ZNF12: variants seen among roughly 807,000 people sequenced by gnomAD.
The protein encoded by ZNF12 is gonadotropin inducible transcription repressor 3.
Under a neutral mutation model 66.6 loss-of-function variants are expected in ZNF12, and 34 were observed. The observed-to-expected ratio is 0.51, with a 90% CI of 0.39 to 0.68. The LOEUF (loss-of-function observed/expected upper bound fraction) is 0.68, where lower values mean the gene tolerates loss of function less well. Among genes scored for constraint, ZNF12 ranks in the 30% least tolerant of loss-of-function variants. ZNF12 has a pLI of 0.00. For missense variants in ZNF12, 697 were observed against 826.9 expected (o/e 0.84, Z 1.93); for synonymous variants, 320 against 278.9 (o/e 1.15, Z -1.47).
chr7:6,697,141 T>G lies in ZNF12; in HGVS notation c.238+198A>C, dbSNP rs1031187555. 1.3e-5 allele frequency among the ~76,000 whole-genome samples: 2 copies of G among 152,110 alleles called. No individual in the cohort carries two copies. The highest frequency in any genetic ancestry group is 2.9e-5 in the Non-Finnish European group (2 of 68,026). Reference sequence around the variant, plus strand: ...AACAGAAGTGACTGGAATTCGATTCTTGGGAGTGGCAAGCACAGAAAAGCT... The same window carrying G: ...AACAGAAGTGACTGGAATTCGATTCGTGGGAGTGGCAAGCACAGAAAAGCT... On this transcript the variant is annotated intron_variant, in intron 4 of 4. Transcript: ENST00000405858. The surrounding 1 kb of genome is among the most constrained non-coding windows in gnomAD (Gnocchi z 6.1).
chr7:6,698,886 G>T lies in ZNF12; in HGVS notation c.16-1075C>A, dbSNP rs1186289376. Among the ~76,000 whole-genome samples the T allele has an allele frequency of 6.6e-6, 1 of 152,192 alleles. No individual in the cohort carries two copies. Among genetic ancestry groups the T allele is most frequent in the Non-Finnish European group, 1.5e-5 (1 of 68,032 alleles). ...AATATCATCCCCTCTAAAATAAAGAGAATAATGCTACCTATACATAATACC... is the reference window on the plus strand; with the variant it reads ...AATATCATCCCCTCTAAAATAAAGATAATAATGCTACCTATACATAATACC... On this transcript the variant is annotated intron_variant, in intron 2 of 4. Transcript: ENST00000405858. The surrounding 1 kb of genome is among the most constrained non-coding windows in gnomAD (Gnocchi z 4.4).
Position 6,705,729 on chromosome 7 carries a change from AACAAACAAAC to A in ZNF12, c.-50-516_-50-507del. Among the ~76,000 whole-genome samples the A allele has an allele frequency of 6.6e-6, 1 of 152,006 alleles. No homozygotes were observed. Among genetic ancestry groups the A allele is most frequent in the African/African-American group, 2.4e-5 (1 of 41,364 alleles). ...GCGAAACTTGTCTCAAAAACAAACA[AACAAACAAAC>A]AAAAAACAAACAACAAAAAATGAAT... On this transcript the variant is annotated intron_variant, in intron 1 of 4. Transcript: ENST00000405858. This position sits in a 1 kb window ranked among gnomAD's most constrained non-coding sequence, Gnocchi z 4.0.
At position 6,696,618 on chromosome 7, in the gene ZNF12, G is replaced by T. The variant is rs142862128; in HGVS notation, c.238+721C>A. ...AAACAGACCCTTTAAAGACATTTCT[G>T]GAGGTGGTGGAAGCATAAACCAGAC... On this transcript the variant is annotated intron_variant, in intron 4 of 4. Coordinates refer to ENST00000405858, the MANE Select transcript of ZNF12 (RefSeq NM_016265.4). This position sits in a 1 kb window ranked among gnomAD's most constrained non-coding sequence, Gnocchi z 4.0. Among the ~76,000 whole-genome samples the T allele has an allele frequency of 4.6e-5, 7 of 152,340 alleles. No individual in the cohort carries two copies. In the South Asian group the frequency reaches 1.0e-3, roughly 23 times the overall value.
intron 2 of ZNF12, among the ~76,000 whole-genome samples, chr7:6,704,881 G>A (rs969526666): frequency 2.4e-4 from 37 of 151,852 alleles, no homozygotes; most frequent in Non-Finnish European, 4.7e-4. Context: ...TTCTGCTTAC[G>A]GTCAATGTAA....
Position 6,698,086 on chromosome 7 carries a change from C to T in ZNF12, c.16-275G>A, listed in dbSNP as rs1583465667. On this transcript the variant is annotated intron_variant, in intron 2 of 4. Coordinates refer to ENST00000405858, the MANE Select transcript of ZNF12 (RefSeq NM_016265.4). The surrounding 1 kb of genome is among the most constrained non-coding windows in gnomAD (Gnocchi z 4.4). ...TGGGAACTCTTAACACCAGCAGGGA[C>T]GAATCTCACCCCTGAGGAGCACAGG... is the stretch of plus-strand genomic sequence containing the variant. The T allele has an allele frequency of 6.3e-6, 4 of 631,382 alleles. No individual in the cohort carries two copies. The highest frequency in any genetic ancestry group is 2.9e-5 in the South Asian group (2 of 70,102). The allele number at this position is 631,382 out of a possible 1,614,324, so 39.1% of individuals were successfully genotyped here. A position where few individuals can be genotyped will look rare whatever the true frequency, so the allele number is the denominator to read the frequency against.
At chr7:6,704,650 G>C (rs928245468) in intron 2 of ZNF12, among the ~76,000 whole-genome samples, 8 of 133,210 alleles carry the variant, frequency 6.0e-5, no homozygotes, top group African/African-American at 2.2e-4. Context: ...TGAGGCAGGA[G>C]AATCACTTGA....
In ZNF12 at chr7:6,688,612, G is replaced by A. The variant is rs911583160; in HGVS notation, c.*2236C>T. ...CCTGTTACGTACCATACTCACAATC[G>A]TCTTGAAGAATATGGAGAAAAAGTG... On this transcript the variant is annotated 3_prime_UTR_variant, in exon 5 of 5. Transcript: ENST00000405858. The surrounding 1 kb of genome is among the most constrained non-coding windows in gnomAD (Gnocchi z 4.3). The A allele has an allele frequency of 6.6e-6, 1 of 152,080 alleles. No homozygotes were observed. The highest frequency in any genetic ancestry group is 1.5e-5 in the Non-Finnish European group (1 of 68,024). 9.4% of individuals were successfully genotyped at this position (152,080 alleles called of 1,614,324 possible). A position where few individuals can be genotyped will look rare whatever the true frequency, so the allele number is the denominator to read the frequency against.
At chr7:6,701,336 C>T (rs1780240189) in intron 2 of ZNF12, among the ~76,000 whole-genome samples, 1 of 152,050 alleles carries the variant, frequency 6.6e-6, no homozygotes, top group Non-Finnish European at 1.5e-5. Context: ...ATGTTAGTGT[C>T]TAAGAAAAAA....
At chr7:6,693,838 C>A (rs1226944544) in intron 4 of ZNF12, among the ~76,000 whole-genome samples, 1 of 152,182 alleles carries the variant, frequency 6.6e-6, no homozygotes, top group Non-Finnish European at 1.5e-5. Flanking sequence ...GAGTGCTTTC[C>A]CACTCCTGAG....
In ZNF12 at chr7:6,690,812, C is replaced by A; in HGVS notation, c.*36G>T. The A allele has an allele frequency of 6.5e-7, 1 of 1,544,260 alleles. No homozygotes were observed. Among genetic ancestry groups the A allele is most frequent in the Non-Finnish European group, 8.7e-7 (1 of 1,146,444 alleles). On this transcript the variant is annotated 3_prime_UTR_variant, in exon 5 of 5. Coordinates refer to ENST00000405858, the MANE Select transcript of ZNF12 (RefSeq NM_016265.4). ...AGGCAGGAGTTTCTGATTCACTATA[C>A]TGAAAGGGTTCTCTGATATAAAATG...
chr7:6,704,899 A>C (rs1235003192), intron 2 of ZNF12, among the ~76,000 whole-genome samples: 2 of 152,186 alleles, frequency 1.3e-5, no homozygotes, highest in Non-Finnish European at 2.9e-5. Context: ...TAAGTCAAGG[A>C]ATGGATGGTA....
At chr7:6,706,192 G>C (rs986615532) in intron 1 of ZNF12, among the ~76,000 whole-genome samples, 3 of 152,220 alleles carry the variant, frequency 2.0e-5, no homozygotes, top group African/African-American at 7.2e-5. Context: ...ATCTGGAGCA[G>C]AGAGAGGAGG....
In ZNF12 at chr7:6,705,934, T is replaced by A. The variant is rs1780348439; in HGVS notation, c.-51+498A>T. Among the ~76,000 whole-genome samples the A allele has an allele frequency of 6.6e-6, 1 of 152,126 alleles. No homozygotes were observed. Among genetic ancestry groups the A allele is most frequent in the Middle Eastern group, 3.2e-3 (1 of 316 alleles). On this transcript the variant is annotated intron_variant, in intron 1 of 4. Transcript: ENST00000405858. The surrounding 1 kb of genome is among the most constrained non-coding windows in gnomAD (Gnocchi z 4.0). ...AGAACTTACGCTCACTTAACTAGGA[T>A]ACGGGGGACAGAACACTGGCCTGGG...
At position 6,698,326 on chromosome 7, in the gene ZNF12, C is replaced by T. The variant is rs531452098; in HGVS notation, c.16-515G>A. Among the ~76,000 whole-genome samples the T allele has an allele frequency of 6.6e-6, 1 of 152,130 alleles. No homozygotes were observed. The highest frequency in any genetic ancestry group is 1.9e-4 in the East Asian group (1 of 5,198). On this transcript the variant is annotated intron_variant, in intron 2 of 4. Coordinates refer to ENST00000405858, the MANE Select transcript of ZNF12 (RefSeq NM_016265.4). The surrounding 1 kb of genome is among the most constrained non-coding windows in gnomAD (Gnocchi z 4.4). Reference sequence around the variant, plus strand: ...TTCTCTTTGCTGTCTGTACTTGCTGCTTTGATGGTGAGCCCTCTTCCTGGC... The same window carrying T: ...TTCTCTTTGCTGTCTGTACTTGCTGTTTTGATGGTGAGCCCTCTTCCTGGC...
Position 6,692,255 on chromosome 7 carries a change from GT to G in ZNF12, c.686del (p.Asp229AlafsTer20), listed in dbSNP as rs1272790565. On this transcript the variant is annotated frameshift_variant, in exon 5 of 5. Coordinates refer to ENST00000405858, the MANE Select transcript of ZNF12 (RefSeq NM_016265.4). LOFTEE classifies it high-confidence loss of function. The surrounding 1 kb of genome is among the most constrained non-coding windows in gnomAD (Gnocchi z 5.1). ...YIECQKAFQK[D>X]TVFVNHMEEK... ...CTTCCATGTGATTAACAAAAACAGT[GT>G]CCTTTTGGAAGGCTTTCTGGCATTC... The G allele has an allele frequency of 6.2e-7, 1 of 1,613,746 alleles. No individual in the cohort carries two copies. Among genetic ancestry groups the G allele is most frequent in the Non-Finnish European group, 8.5e-7 (1 of 1,179,776 alleles).
rs1400366331 is a variant in ZNF12, at chr7:6,692,098, A to C, written c.844T>G (p.Ser282Ala). ...GTCCTCTGATGTATAATAAATTTTG[A>C]CTTTTTACAGAAGGATTTCCCACAT... ...SECGKSFCKK[S>A]KFIIHQRTHT... Residue 282 changes from serine (S) to alanine (A), a missense_variant, in exon 5 of 5, where the codon TCA (serine) becomes GCA (alanine). Physicochemically the swap from Ser to Ala is moderately conservative, Grantham distance 99. This residue lies in a region of ZNF12 where 401 missense variants were observed against 519.0 expected (regional missense o/e 0.77). Coordinates refer to ENST00000405858, the MANE Select transcript of ZNF12 (RefSeq NM_016265.4). The surrounding 1 kb of genome is among the most constrained non-coding windows in gnomAD (Gnocchi z 5.1). 2 of 1,613,842 alleles carry C rather than the reference A, an allele frequency of 1.2e-6. No individual in the cohort carries two copies. The highest frequency in any genetic ancestry group is 4.5e-5 in the East Asian group (2 of 44,870).
In ZNF12 at chr7:6,689,293, A is replaced by G. The variant is rs967803359; in HGVS notation, c.*1555T>C. ...TCAGGCCATGATTAAACTATAATCC[A>G]TTGCTGAAAGATGGTTACCAGGCAC... On this transcript the variant is annotated 3_prime_UTR_variant, in exon 5 of 5. Transcript: ENST00000405858. 1.3e-5 allele frequency: 2 copies of G among 152,346 alleles called. No individual in the cohort carries two copies. Among genetic ancestry groups the G allele is most frequent in the African/African-American group, 4.8e-5 (2 of 41,588 alleles). The allele number at this position is 152,346 out of a possible 1,614,324, so 9.4% of individuals were successfully genotyped here.
At chr7:6,701,951 C>CAAAAA (rs34380276) in intron 2 of ZNF12, among the ~76,000 whole-genome samples, 3 of 127,166 alleles carry the variant, frequency 2.4e-5, no homozygotes, top group Non-Finnish European at 5.3e-5. Context: ...CAAAATTTCT[C>CAAAAA]AAAAAAAAAA....
Position 6,702,486 on chromosome 7 carries a change from C to CCA in ZNF12, c.15+2671_15+2672dup, listed in dbSNP as rs59156870. Among the ~76,000 whole-genome samples, 7 of 42,756 alleles carry CCA rather than the reference C, an allele frequency of 1.6e-4. 2 individuals carry two copies. The South Asian group carries it at 2.5e-3, about 15-fold the overall frequency. The allele number at this position is 42,756 out of a possible 152,430, so 28.0% of individuals were successfully genotyped here. A position where few individuals can be genotyped will look rare whatever the true frequency, so the allele number is the denominator to read the frequency against. On this transcript the variant is annotated intron_variant, in intron 2 of 4. Transcript: ENST00000405858. Reference sequence around the variant, plus strand: ...ACGCACCAGATTCGTCTCCCAAACTCCACACACACACACACACACACAGAT... The same window carrying CCA: ...ACGCACCAGATTCGTCTCCCAAACTCCACACACACACACACACACACACAGAT...
Sources: gnomAD v4.1 joint callset for allele counts (sites outside exome capture counted in the v4.1 genomes callset) on GRCh38, gnomAD v4.1.1 for gene constraint, gnomAD v4.1.1 regional missense constraint, Gnocchi (gnomAD v3.1) non-coding constraint, MANE v1.5 for transcripts, NCBI Gene and HGNC (gene_info 2026-07-23, HGNC 2026-07-21) for gene names.